Variants in DOCK4 observed in about 807,000 individuals in gnomAD.
DOCK4 encodes the protein dedicator of cytokinesis protein 4.
A neutral mutation model predicts 268.1 loss-of-function variants in DOCK4; 97 were observed. That is an observed-to-expected ratio of 0.36 (90% CI 0.31 to 0.43). The LOEUF is 0.43. Among genes scored for constraint, DOCK4 ranks in the 20% least tolerant of loss-of-function variants. The pLI is 1.00. For missense variants in DOCK4, 2,145 were observed against 2,455.7 expected (o/e 0.87, Z 2.67); for synonymous variants, 954 against 887.2 (o/e 1.08, Z -1.34).
intron 13 of DOCK4, among the ~76,000 whole-genome samples, chr7:111,907,267 CT>C (rs1791664142): frequency 6.6e-6 from 1 of 152,124 alleles, no homozygotes; most frequent in South Asian, 2.1e-4. Flanking sequence ...ATACTGAACT[CT>C]TTTGGGAGGT....
chr7:111,770,320 T>G (rs1226964183), intron 36 of DOCK4, among the ~76,000 whole-genome samples: 2 of 146,498 alleles, frequency 1.4e-5, no homozygotes, highest in East Asian at 4.0e-4. Flanking sequence ...AGTGTGTGGG[T>G]GTGTGGGTGT....
intron 1 of DOCK4, among the ~76,000 whole-genome samples, chr7:112,201,513 G>T (rs1034796280): frequency 6.6e-6 from 1 of 152,104 alleles, no homozygotes; most frequent in Non-Finnish European, 1.5e-5. Flanking sequence ...AGGTTTGAGG[G>T]GTGCAGCCTT....
intron 38 of DOCK4, 34 bp from the exon 39 acceptor site, chr7:111,765,256 T>C (rs1797695955): frequency 7.5e-6 from 9 of 1,207,272 alleles, no homozygotes; most frequent in African/African-American, 3.2e-5. Context: ...AAGCATTTTA[T>C]CTCATCTTTC....
At chr7:111,999,179 T>C (rs923449942) in intron 3 of DOCK4, among the ~76,000 whole-genome samples, 25 of 152,148 alleles carry the variant, frequency 1.6e-4, no homozygotes, top group Non-Finnish European at 1.0e-4. Flanking sequence ...AATTTGATTG[T>C]TCATTAAATG....
intron 27 of DOCK4, chr7:111,819,978 T>C (rs970839899): frequency 3.5e-4 from 53 of 152,346 alleles, no homozygotes; most frequent in African/African-American, 1.3e-3. Flanking sequence ...TTTTTCTTCC[T>C]AGTGTATGCT....
chr7:111,773,440 C>A (rs991873006), intron 36 of DOCK4, among the ~76,000 whole-genome samples: 1 of 152,168 alleles, frequency 6.6e-6, no homozygotes, highest in Admixed American at 6.5e-5. Context: ...TATAATCAGA[C>A]AAATTTGGAC....
chr7:111,837,324 C>G (rs937347453), intron 25 of DOCK4, among the ~76,000 whole-genome samples: 6 of 152,038 alleles, frequency 3.9e-5, no homozygotes, highest in South Asian at 2.1e-4. Context: ...CTTCCAAAAG[C>G]AAAGACAAAA....
At chr7:111,896,451 G>C (rs1808755444) in intron 15 of DOCK4, among the ~76,000 whole-genome samples, 1 of 149,436 alleles carries the variant, frequency 6.7e-6, no homozygotes, top group Admixed American at 6.6e-5. Context: ...ACTTGTTGTA[G>C]ATCTCTTAAG....
Position 111,726,222 on chromosome 7 carries a change from T to A in DOCK4, c.*2052A>T, listed in dbSNP as rs1158316993. ...TTCTGCTATGTAGCTGCTTCAGAAA[T>A]ACACACACATGATAAATTCAAGATA... On this transcript the variant is annotated 3_prime_UTR_variant, in exon 53 of 53. Coordinates refer to ENST00000428084, the MANE Select transcript of DOCK4 (RefSeq NM_001363540.2). The A allele has an allele frequency of 6.6e-6, 1 of 152,626 alleles. No homozygotes were observed. Among genetic ancestry groups the A allele is most frequent in the African/African-American group, 2.4e-5 (1 of 41,452 alleles). 9.5% of individuals were successfully genotyped at this position (152,626 alleles called of 1,614,324 possible). A position where few individuals can be genotyped will look rare whatever the true frequency, so the allele number is the denominator to read the frequency against.
intron 8 of DOCK4, among the ~76,000 whole-genome samples, chr7:111,955,140 A>G (rs1796360008): frequency 6.6e-6 from 1 of 152,194 alleles, no homozygotes; most frequent in Non-Finnish European, 1.5e-5. Context: ...TCCCAACCAC[A>G]TGAGAACACA....
intron 36 of DOCK4, among the ~76,000 whole-genome samples, 179 bp downstream of exon 36, chr7:111,778,097 T>C (rs891660405): frequency 6.6e-6 from 1 of 152,164 alleles, no homozygotes; most frequent in Non-Finnish European, 1.5e-5. Context: ...ACAACCTACA[T>C]GTATGTATCA....
intron 1 of DOCK4, among the ~76,000 whole-genome samples, chr7:112,085,565 C>G (rs1444018183): frequency 6.6e-6 from 1 of 152,038 alleles, no homozygotes; most frequent in Non-Finnish European, 1.5e-5. Flanking sequence ...AAGTGTATTT[C>G]AAGGTAATCA....
At chr7:112,085,492 A>G (rs894025095) in intron 1 of DOCK4, among the ~76,000 whole-genome samples, 1 of 152,134 alleles carries the variant, frequency 6.6e-6, no homozygotes, top group East Asian at 1.9e-4. Flanking sequence ...GTACAAATTT[A>G]TGATTCCAAA....
chr7:111,806,090 A>G (rs1800645208), intron 30 of DOCK4, among the ~76,000 whole-genome samples: 1 of 152,212 alleles, frequency 6.6e-6, no homozygotes, highest in Admixed American at 6.5e-5. Context: ...ATACTTGCAT[A>G]TATCCAGTGC....
intron 1 of DOCK4, among the ~76,000 whole-genome samples, chr7:112,006,149 C>G (rs941960643): frequency 6.6e-6 from 1 of 152,074 alleles, no homozygotes; most frequent in Non-Finnish European, 1.5e-5. Flanking sequence ...GGATTTGAAC[C>G]CCAATCTCAT....
At chr7:111,926,020 G>A (rs553069624) in intron 12 of DOCK4, among the ~76,000 whole-genome samples, 39 of 149,242 alleles carry the variant, frequency 2.6e-4, no homozygotes, top group South Asian at 2.1e-4. Context: ...ACTTGAACCC[G>A]GGAGGCGGAG....
chr7:112,023,896 CTT>C (rs1156427439), intron 1 of DOCK4, among the ~76,000 whole-genome samples: 1 of 152,154 alleles, frequency 6.6e-6, no homozygotes. Context: ...TAAAATAAAA[CTT>C]TGATATTTCA....
At chr7:111,864,359 C>A (rs1472315206) in intron 22 of DOCK4, among the ~76,000 whole-genome samples, 2 of 151,846 alleles carry the variant, frequency 1.3e-5, no homozygotes, top group Non-Finnish European at 2.9e-5. Context: ...CAAACCAAAT[C>A]AGCCTTTTAA....
chr7:112,164,953 TTATC>T (rs2116536323), intron 1 of DOCK4, among the ~76,000 whole-genome samples: 1 of 152,306 alleles, frequency 6.6e-6, no homozygotes, highest in African/African-American at 2.4e-5. Context: ...TAAAAATTTG[TTATC>T]TTTCTAAGAA....
Sources: allele counts gnomAD v4.1 joint callset (sites outside exome capture counted in the v4.1 genomes callset), GRCh38; gene constraint gnomAD v4.1.1; transcripts MANE v1.5; gene names NCBI Gene and HGNC (gene_info 2026-07-23, HGNC 2026-07-21).